Variants in MDFIC2 observed in about 807,000 individuals in gnomAD.
The protein encoded by MDFIC2 is MyoD family inhibitor domain containing 2.
chr3:70,242,056 G>A lies in MDFIC2; in HGVS notation c.89-35266C>T, dbSNP rs142904385. ...ACTATCTTTGATGCCAGAAAGACTA[G>A]AGACAATTTCCTCGTAAGGGTAAGG... On this transcript the variant is annotated intron_variant, in intron 2 of 3. Transcript: ENST00000567252. Among the ~76,000 whole-genome samples the A allele has an allele frequency of 1.7e-4, 26 of 152,320 alleles. No homozygotes were observed. The East Asian group carries it at 4.4e-3, about 26-fold the overall frequency.
At chr3:70,222,514 C>G (rs1187463750) in intron 2 of MDFIC2, among the ~76,000 whole-genome samples, 2 of 152,208 alleles carry the variant, frequency 1.3e-5, no homozygotes, top group Admixed American at 1.3e-4. Context: ...TTCTTCACTA[C>G]TGCTAGATCT....
rs145645772 is a variant in MDFIC2 at position 70,309,686 on chromosome 3, A to G, written c.88+2200T>C. Among the ~76,000 whole-genome samples, 3 of 152,340 alleles carry G rather than the reference A, an allele frequency of 2.0e-5. 1 individual carries two copies. Among genetic ancestry groups the G allele is most frequent in the African/African-American group, 7.2e-5 (3 of 41,590 alleles). Reference sequence around the variant, plus strand: ...CATATACTTTTTCTTAACATTGAAAAAAAAGACATTTATGTTTGAAAACTA... The same window carrying G: ...CATATACTTTTTCTTAACATTGAAAGAAAAGACATTTATGTTTGAAAACTA... On this transcript the variant is annotated intron_variant, in intron 2 of 3. Transcript: ENST00000567252.
At chr3:70,215,758 G>T (rs900315274) in intron 2 of MDFIC2, among the ~76,000 whole-genome samples, 1 of 152,108 alleles carries the variant, frequency 6.6e-6, no homozygotes, top group Non-Finnish European at 1.5e-5. Context: ...CATGGTGTCT[G>T]GCAGAAAGCA....
chr3:70,242,707 G>A (rs1701674743), intron 2 of MDFIC2, among the ~76,000 whole-genome samples: 1 of 152,150 alleles, frequency 6.6e-6, no homozygotes, highest in African/African-American at 2.4e-5. Context: ...CTTGTCTGGT[G>A]GAATTACAGT....
At chr3:70,279,585 C>G (rs184975503) in intron 2 of MDFIC2, among the ~76,000 whole-genome samples, 4 of 152,272 alleles carry the variant, frequency 2.6e-5, no homozygotes, top group African/African-American at 9.6e-5. Flanking sequence ...GCTCCCAGTC[C>G]AGACGGAATC....
chr3:70,256,384 A>T (rs1316411841), intron 2 of MDFIC2, among the ~76,000 whole-genome samples: 1 of 152,190 alleles, frequency 6.6e-6, no homozygotes, highest in Non-Finnish European at 1.5e-5. Flanking sequence ...AATCTCTAAG[A>T]TTCCTTTAAA....
At chr3:70,250,316 T>C (rs1192310838) in intron 2 of MDFIC2, among the ~76,000 whole-genome samples, 1 of 152,124 alleles carries the variant, frequency 6.6e-6, no homozygotes, top group African/African-American at 2.4e-5. Flanking sequence ...CTTGTAATTT[T>C]ACTATTGCCA....
intron 2 of MDFIC2, among the ~76,000 whole-genome samples, chr3:70,280,509 G>T (rs562970694): frequency 6.6e-6 from 1 of 152,126 alleles, no homozygotes; most frequent in Non-Finnish European, 1.5e-5. Context: ...CTTTCTAGGG[G>T]AGCTGAGCTG....
chr3:70,200,429 T>C (rs1236729885), intron 3 of MDFIC2, among the ~76,000 whole-genome samples: 1 of 152,170 alleles, frequency 6.6e-6, no homozygotes, highest in Non-Finnish European at 1.5e-5. Context: ...CCACACTGAC[T>C]AAATTGCAGT....
At chr3:70,269,722 C>A (rs1559549846) in intron 2 of MDFIC2, among the ~76,000 whole-genome samples, 2 of 151,088 alleles carry the variant, frequency 1.3e-5, no homozygotes, top group Admixed American at 6.6e-5. Flanking sequence ...GAATTAATGA[C>A]AAAACTGTTT....
intron 2 of MDFIC2, among the ~76,000 whole-genome samples, chr3:70,287,847 G>A (rs1458778084): frequency 6.6e-6 from 1 of 151,866 alleles, no homozygotes; most frequent in Admixed American, 6.6e-5. Flanking sequence ...TATTTGCGTA[G>A]AGGTGTTTGT....
intron 2 of MDFIC2, among the ~76,000 whole-genome samples, chr3:70,305,293 T>G (rs1702388350): frequency 6.6e-6 from 1 of 152,214 alleles, no homozygotes; most frequent in Non-Finnish European, 1.5e-5. Context: ...TTCACCCCTA[T>G]TTTTGTTATT....
intron 2 of MDFIC2, among the ~76,000 whole-genome samples, chr3:70,286,279 C>T (rs549700645): frequency 2.3e-4 from 35 of 152,296 alleles, no homozygotes; most frequent in African/African-American, 7.9e-4. Flanking sequence ...CTACATATGG[C>T]TAGCCAGTTT....
At chr3:70,246,617 A>G (rs1265849798) in intron 2 of MDFIC2, among the ~76,000 whole-genome samples, 1 of 152,120 alleles carries the variant, frequency 6.6e-6, no homozygotes, top group Non-Finnish European at 1.5e-5. Context: ...ATACTTGATA[A>G]CTGAAACGTA....
At chr3:70,209,802 G>A (rs1166636995) in intron 2 of MDFIC2, among the ~76,000 whole-genome samples, 1 of 151,978 alleles carries the variant, frequency 6.6e-6, no homozygotes, top group Non-Finnish European at 1.5e-5. Context: ...GCCCAAAATC[G>A]AGCCTTGCAA....
chr3:70,279,295 A>G (rs1333796795), intron 2 of MDFIC2, among the ~76,000 whole-genome samples: 1 of 152,096 alleles, frequency 6.6e-6, no homozygotes, highest in Non-Finnish European at 1.5e-5. Context: ...GAGAGATCAA[A>G]CAAATCATCC....
At chr3:70,227,328 C>G (rs1701517212) in intron 2 of MDFIC2, among the ~76,000 whole-genome samples, 1 of 152,180 alleles carries the variant, frequency 6.6e-6, no homozygotes, top group Non-Finnish European at 1.5e-5. Context: ...AACAGTCTCT[C>G]TAGTTTGTTT....
chr3:70,209,159 T>G (rs1009755825), intron 2 of MDFIC2, among the ~76,000 whole-genome samples: 3 of 152,088 alleles, frequency 2.0e-5, no homozygotes, highest in African/African-American at 7.2e-5. Context: ...GACATTCAAA[T>G]GATGTCTTAG....
chr3:70,231,205 G>C (rs1442438674), intron 2 of MDFIC2, among the ~76,000 whole-genome samples: 1 of 152,168 alleles, frequency 6.6e-6, no homozygotes, highest in Non-Finnish European at 1.5e-5. Flanking sequence ...TTTATTGAAG[G>C]AAACAGCAGT....
Sources: allele counts gnomAD v4.1 joint callset (sites outside exome capture counted in the v4.1 genomes callset), GRCh38; gene constraint gnomAD v4.1.1; transcripts MANE v1.5; gene names NCBI Gene and HGNC (gene_info 2026-07-23, HGNC 2026-07-21).